ZNF777: variants seen among roughly 807,000 people sequenced by gnomAD.
The protein encoded by ZNF777 is zinc finger protein 777.
In ZNF777, 7 loss-of-function variants were observed where a neutral mutation model predicts 72.1. The observed-to-expected ratio is 0.10, with a 90% CI of 0.06 to 0.18. ZNF777 has a LOEUF of 0.18. Among genes scored for constraint, ZNF777 ranks in the 10% least tolerant of loss-of-function variants. The probability of loss-of-function intolerance (pLI) is 1.00; values close to 1 mark genes in which losing one functional copy is unlikely to be tolerated. For synonymous variants in ZNF777, 545 were observed against 483.5 expected, an observed-to-expected ratio of 1.13 and a Z score of -1.67; for missense variants, 828 against 1,128.6, an observed-to-expected ratio of 0.73 and a Z score of 3.82.
At chr7:149,434,039 C>CT (rs34248792) in intron 5 of ZNF777, among the ~76,000 whole-genome samples, 2 of 149,458 alleles carry the variant, frequency 1.3e-5, no homozygotes, top group South Asian at 4.2e-4. Context: ...CATACCTGTC[C>CT]TTTTTTTTTC....
At chr7:149,443,852 C>G (rs1056689360) in intron 4 of ZNF777, among the ~76,000 whole-genome samples, 2 of 152,144 alleles carry the variant, frequency 1.3e-5, no homozygotes, top group African/African-American at 4.8e-5. Flanking sequence ...CTCGGCCTCC[C>G]AAACTGTTGG....
rs1187841462 is a variant in ZNF777 at position 149,448,265 on chromosome 7, T to C, written c.1087+2734A>G. ...TGGATCACTTAAGATTAGGAGTTCA[T>C]GAGCAGCCTGACCAACATGGTGAAA... is the stretch of plus-strand genomic sequence containing the variant. On this transcript the variant is annotated intron_variant, in intron 4 of 5. Coordinates refer to ENST00000247930, the MANE Select transcript of ZNF777 (RefSeq NM_015694.3). Among the ~76,000 whole-genome samples, 13 of 151,712 alleles carry C rather than the reference T, an allele frequency of 8.6e-5. No individual in the cohort carries two copies. The South Asian group carries it at 1.2e-3, about 15-fold the overall frequency.
At chr7:149,441,228 A>ACAT (rs1341612704) in intron 4 of ZNF777, among the ~76,000 whole-genome samples, 1 of 152,218 alleles carries the variant, frequency 6.6e-6, no homozygotes, top group African/African-American at 2.4e-5. Flanking sequence ...GAAGACACAT[A>ACAT]CATTGTGGGA....
In ZNF777 at chr7:149,455,361, G is replaced by A. The variant is rs774966698; in HGVS notation, c.662C>T (p.Ala221Val). 4 of 1,614,210 alleles carry A rather than the reference G, an allele frequency of 2.5e-6. No individual in the cohort carries two copies. The highest frequency in any genetic ancestry group is 2.2e-5 in the East Asian group (1 of 44,882). ...GRTGTNEKKI[A>V]DCEKTAVEFA... ...CTCCACGGCTGTCTTCTCGCAGTCG[G>A]CTATCTTCTTTTCATTTGTCCCCGT... The change falls in exon 2 of 6, where the codon GCC (alanine) becomes GTC (valine). Residue 221 changes from alanine (A) to valine (V), a missense_variant. Ala to Val is a moderately conservative substitution (Grantham distance 64). Around this residue, in one of 12 missense-constraint regions of ZNF777, gnomAD observed 76 missense variants for 157.3 expected, o/e 0.48. Coordinates refer to ENST00000247930, the MANE Select transcript of ZNF777 (RefSeq NM_015694.3). The surrounding 1 kb of genome is among the most constrained non-coding windows in gnomAD (Gnocchi z 4.2).
chr7:149,444,561 G>A (rs1418103207), intron 4 of ZNF777, among the ~76,000 whole-genome samples: 1 of 152,164 alleles, frequency 6.6e-6, no homozygotes, highest in Non-Finnish European at 1.5e-5. Flanking sequence ...TTTTGGCAAA[G>A]CGCCTGCCCC....
In ZNF777 at chr7:149,460,348, C is replaced by T. The variant is rs1286435338; in HGVS notation, c.-16+467G>A. On this transcript the variant is annotated intron_variant, in intron 1 of 5. Transcript: ENST00000247930. The surrounding 1 kb of genome is among the most constrained non-coding windows in gnomAD (Gnocchi z 6.1). ...CGCGCGGGGCGAGCGGGCGCGGGGTCGCGGAGCCCGAGCGGCGGCGTCGGA... is the reference window on the plus strand; with the variant it reads ...CGCGCGGGGCGAGCGGGCGCGGGGTTGCGGAGCCCGAGCGGCGGCGTCGGA... Among the ~76,000 whole-genome samples, 1 of 145,864 alleles carries T rather than the reference C, an allele frequency of 6.9e-6. No individual in the cohort carries two copies. Among genetic ancestry groups the T allele is most frequent in the African/African-American group, 2.5e-5 (1 of 40,736 alleles).
chr7:149,452,993 C>T (rs767469726), intron 3 of ZNF777, among the ~76,000 whole-genome samples: 2 of 152,230 alleles, frequency 1.3e-5, no homozygotes, highest in Non-Finnish European at 2.9e-5. Flanking sequence ...TGGAACACTG[C>T]ACTGTCTTTC....
intron 1 of ZNF777, among the ~76,000 whole-genome samples, chr7:149,457,006 TG>T (rs1799846935): frequency 6.6e-6 from 1 of 152,162 alleles, no homozygotes; most frequent in African/African-American, 2.4e-5. Context: ...GGTTCCACCC[TG>T]GGGTTTCCGA....
rs1169957362 is a variant in ZNF777 at position 149,453,983 on chromosome 7, G to A, written c.973+128C>T. 8.6e-6 allele frequency: 12 copies of A among 1,389,638 alleles called. No individual in the cohort carries two copies. In the African/African-American group the frequency reaches 1.6e-4, roughly 18 times the overall value. 86.1% of individuals were successfully genotyped at this position (1,389,638 alleles called of 1,614,324 possible). A position where few individuals can be genotyped will look rare whatever the true frequency, so the allele number is the denominator to read the frequency against. ...GAGGGCGTTTGCTTTAATTTGTTGT[G>A]ATCTCTACAACTCTGTTCTCCTTGC... On this transcript the variant is annotated intron_variant, in intron 3 of 5. Coordinates refer to ENST00000247930, the MANE Select transcript of ZNF777 (RefSeq NM_015694.3).
Position 149,431,723 on chromosome 7 carries a change from G to A in ZNF777, c.*53C>T. Reference sequence around the variant, plus strand: ...GCTGGGCTCGGGCCTGGCGGTGTCCGAGGGGGGGCACGGCCCGCGCACCTG... The same window carrying A: ...GCTGGGCTCGGGCCTGGCGGTGTCCAAGGGGGGGCACGGCCCGCGCACCTG... On this transcript the variant is annotated 3_prime_UTR_variant, in exon 6 of 6. Coordinates refer to ENST00000247930, the MANE Select transcript of ZNF777 (RefSeq NM_015694.3). 2 of 1,261,352 alleles carry A rather than the reference G, an allele frequency of 1.6e-6. No individual in the cohort carries two copies. Among genetic ancestry groups the A allele is most frequent in the Non-Finnish European group, 2.0e-6 (2 of 1,001,746 alleles). 78.1% of individuals were successfully genotyped at this position (1,261,352 alleles called of 1,614,324 possible). A position where few individuals can be genotyped will look rare whatever the true frequency, so the allele number is the denominator to read the frequency against.
chr7:149,436,279 C>T lies in ZNF777; in HGVS notation c.1339+296G>A, dbSNP rs1489842477. 1.3e-5 allele frequency among the ~76,000 whole-genome samples: 2 copies of T among 152,096 alleles called. No individual in the cohort carries two copies. Among genetic ancestry groups the T allele is most frequent in the African/African-American group, 2.4e-5 (1 of 41,416 alleles). ...CTTTGCCACTCTCTGTGTGGCCTTG[C>T]CCCATCTATTTAACCTCTGTCTGTA... On this transcript the variant is annotated intron_variant, in intron 5 of 5. Coordinates refer to ENST00000247930, the MANE Select transcript of ZNF777 (RefSeq NM_015694.3). This position sits in a 1 kb window ranked among gnomAD's most constrained non-coding sequence, Gnocchi z 5.0.
In ZNF777 at chr7:149,455,532, G is replaced by T. The variant is rs756305824; in HGVS notation, c.491C>A (p.Thr164Asn). ...GACTGCAGAAGAGATCTGGAAAGGG[G>T]TGTCCTTTTGGGAAACCGGGCTCTG... ...LLQSPVSQKD[T>N]PFQISSAVQK... Residue 164 changes from threonine (T) to asparagine (N), a missense_variant, in exon 2 of 6, where the codon ACC becomes AAC. This residue lies in a region of ZNF777 where 222 missense variants were observed against 211.2 expected (regional missense o/e 1.05). Coordinates refer to ENST00000247930, the MANE Select transcript of ZNF777 (RefSeq NM_015694.3). This position sits in a 1 kb window ranked among gnomAD's most constrained non-coding sequence, Gnocchi z 4.2. The T allele has an allele frequency of 2.5e-5, 41 of 1,613,896 alleles. No individual in the cohort carries two copies. The highest frequency in any genetic ancestry group is 6.7e-5 in the Admixed American group (4 of 59,992).
In ZNF777 at chr7:149,436,476, A is replaced by G. The variant is rs990767252; in HGVS notation, c.1339+99T>C. ...CCCACCTGTTGCCCCATCAGTGTCC[A>G]GCTACCTCTCTGAAGGAACCACAGC... On this transcript the variant is annotated intron_variant, in intron 5 of 5. Transcript: ENST00000247930. This position sits in a 1 kb window ranked among gnomAD's most constrained non-coding sequence, Gnocchi z 5.0. 4 of 1,408,244 alleles carry G rather than the reference A, an allele frequency of 2.8e-6. No individual in the cohort carries two copies. Among genetic ancestry groups the G allele is most frequent in the Non-Finnish European group, 3.8e-6 (4 of 1,047,780 alleles). 87.2% of individuals were successfully genotyped at this position (1,408,244 alleles called of 1,614,324 possible). A position where few individuals can be genotyped will look rare whatever the true frequency, so the allele number is the denominator to read the frequency against.
rs200992802 is a variant in ZNF777, at chr7:149,436,559, C to A, written c.1339+16G>T. ...TCATGGCAACCCTTCCCCGGCCGTC[C>A]CCGCCCAGCACTCACCCGTGCAGTT... On this transcript the variant is annotated intron_variant, in intron 5 of 5. Transcript: ENST00000247930. The surrounding 1 kb of genome is among the most constrained non-coding windows in gnomAD (Gnocchi z 5.0). 28 of 1,578,104 alleles carry A rather than the reference C, an allele frequency of 1.8e-5. No homozygotes were observed. The East Asian group carries it at 5.9e-4, about 33-fold the overall frequency.
At chr7:149,458,921 C>A (rs1183628932) in intron 1 of ZNF777, among the ~76,000 whole-genome samples, 1 of 152,190 alleles carries the variant, frequency 6.6e-6, no homozygotes, top group African/African-American at 2.4e-5. Flanking sequence ...CCCTCCTTCC[C>A]CGACGGATCA....
At chr7:149,439,968 CT>C (rs1265692601) in intron 4 of ZNF777, among the ~76,000 whole-genome samples, 1 of 152,088 alleles carries the variant, frequency 6.6e-6, no homozygotes, top group Non-Finnish European at 1.5e-5. Flanking sequence ...CAATTTTAGT[CT>C]TTTTCATTTT....
In ZNF777 at chr7:149,454,031, G is replaced by A. The variant is rs542473584; in HGVS notation, c.973+80C>T. On this transcript the variant is annotated intron_variant, in intron 3 of 5. Coordinates refer to ENST00000247930, the MANE Select transcript of ZNF777 (RefSeq NM_015694.3). ...TGCTTGCAACTATTGGCTCTGCTGG[G>A]GTTCAGAACTCCCTAAGTTTATGAA... 2.2e-5 allele frequency: 35 copies of A among 1,575,914 alleles called. No homozygotes were observed. The South Asian group carries it at 3.8e-4, about 17-fold the overall frequency.
chr7:149,432,829 T>C lies in ZNF777; in HGVS notation c.1443A>G (p.Arg481=). Residue 481 remains arginine (R), a synonymous_variant, in exon 6 of 6, where the codon AGA becomes AGG. Transcript: ENST00000247930. ...HLQSLGQLSG[R]YEASMYQTPL... ...GGGTCTGGTACATACTGGCCTCATA[T>C]CTCCCGGACAGCTGCCCAAGGGATT... 1 of 1,595,812 alleles carries C rather than the reference T, an allele frequency of 6.3e-7. No homozygotes were observed. Among genetic ancestry groups the C allele is most frequent in the East Asian group, 2.2e-5 (1 of 44,488 alleles).
rs1206594448 is a variant in ZNF777 at position 149,460,998 on chromosome 7, CA to C, written c.-200del. On this transcript the variant is annotated 5_prime_UTR_variant, in exon 1 of 6. Transcript: ENST00000247930. This position sits in a 1 kb window ranked among gnomAD's most constrained non-coding sequence, Gnocchi z 6.1. ...CCCAGAACCCGGGGTCGTTCCCTTT[CA>C]AAACCTGCGCTCACAAAGGGATCTA... 6.6e-6 allele frequency: 1 copy of C among 152,354 alleles called. No individual in the cohort carries two copies. Among genetic ancestry groups the C allele is most frequent in the East Asian group, 1.9e-4 (1 of 5,198 alleles). The allele number at this position is 152,354 out of a possible 1,614,324, so 9.4% of individuals were successfully genotyped here. A position where few individuals can be genotyped will look rare whatever the true frequency, so the allele number is the denominator to read the frequency against.
Sources: allele counts gnomAD v4.1 joint callset (sites outside exome capture counted in the v4.1 genomes callset), GRCh38; gene constraint gnomAD v4.1.1; regional missense constraint gnomAD v4.1.1; non-coding constraint Gnocchi (gnomAD v3.1); transcripts MANE v1.5; gene names NCBI Gene and HGNC (gene_info 2026-07-23, HGNC 2026-07-21).